Variants in CA10 observed in about 807,000 individuals in gnomAD.
The protein encoded by CA10 is carbonic anhydrase 10 (inactive), also known as carbonic anhydrase-related protein 10.
In CA10, 14 loss-of-function variants were observed where a neutral mutation model predicts 44.2. The observed-to-expected ratio is 0.32, with a 90% CI of 0.21 to 0.50. The LOEUF (loss-of-function observed/expected upper bound fraction) is 0.50. CA10 is among the 20% of genes least tolerant of loss of function. The pLI is 0.99. For missense variants in CA10, 350 were observed against 409.7 expected, an observed-to-expected ratio of 0.85 and a Z score of 1.26; for synonymous variants, 159 against 141.6, an observed-to-expected ratio of 1.12 and a Z score of -0.87.
At chr17:52,091,050 GT>G (rs1190368967) in intron 1 of CA10, among the ~76,000 whole-genome samples, 45 of 151,994 alleles carry the variant, frequency 3.0e-4, no homozygotes, top group Non-Finnish European at 6.3e-4. Flanking sequence ...ATTAAATAAT[GT>G]TTTTTGAAGA....
intron 2 of CA10, among the ~76,000 whole-genome samples, chr17:52,000,171 T>C (rs1401703455): frequency 6.6e-6 from 1 of 152,106 alleles, no homozygotes; most frequent in Non-Finnish European, 1.5e-5. Context: ...TTGGGAATTA[T>C]ATCTTGGACT....
At chr17:51,829,889 G>A (rs1450472142) in intron 3 of CA10, among the ~76,000 whole-genome samples, 1 of 152,014 alleles carries the variant, frequency 6.6e-6, no homozygotes, top group Admixed American at 6.6e-5. Context: ...GAAAGAAAGG[G>A]GTCAATATAG....
At chr17:51,746,245 A>G (rs1214514577) in intron 4 of CA10, among the ~76,000 whole-genome samples, 1 of 152,206 alleles carries the variant, frequency 6.6e-6, no homozygotes, top group African/African-American at 2.4e-5. Flanking sequence ...TTTTGCTCGC[A>G]CTAGCCCTCA....
At chr17:52,155,867 C>A (rs1309770493) in intron 1 of CA10, among the ~76,000 whole-genome samples, 1 of 152,180 alleles carries the variant, frequency 6.6e-6, no homozygotes, top group Non-Finnish European at 1.5e-5. Flanking sequence ...TGGAAATCCC[C>A]CTCCTAATGC....
rs1981602781 is a variant in CA10 at position 51,907,384 on chromosome 17, C to T, written c.279+23606G>A. Reference sequence around the variant, plus strand: ...TCCTTCAGTGGGGCCTTCCCGGCTGCCCCATCTAAAATAGCAACCCTGGCC... The same window carrying T: ...TCCTTCAGTGGGGCCTTCCCGGCTGTCCCATCTAAAATAGCAACCCTGGCC... On this transcript the variant is annotated intron_variant, in intron 3 of 8. Transcript: ENST00000451037. Among the ~76,000 whole-genome samples the T allele has an allele frequency of 3.3e-5, 5 of 152,154 alleles. No individual in the cohort carries two copies. The South Asian group carries it at 1.0e-3, about 32-fold the overall frequency.
intron 2 of CA10, among the ~76,000 whole-genome samples, chr17:52,023,689 C>G (rs897221344): frequency 1.9e-5 from 1 of 52,334 alleles, no homozygotes; most frequent in Admixed American, 3.0e-4. Context: ...AGACAGCTTA[C>G]AGAATGGCAA....
At chr17:52,079,055 G>C (rs1198362418) in intron 1 of CA10, among the ~76,000 whole-genome samples, 3 of 152,202 alleles carry the variant, frequency 2.0e-5, no homozygotes, top group African/African-American at 7.2e-5. Context: ...GGGAGGCCGG[G>C]GCACGCGGAT....
chr17:51,729,194 C>T (rs2143553316), intron 4 of CA10, among the ~76,000 whole-genome samples: 1 of 152,324 alleles, frequency 6.6e-6, no homozygotes, highest in South Asian at 2.1e-4. Context: ...TGCTATTCCT[C>T]AAACACACCA....
intron 3 of CA10, among the ~76,000 whole-genome samples, chr17:51,828,396 A>G (rs1210141544): frequency 6.6e-6 from 1 of 152,112 alleles, no homozygotes; most frequent in Non-Finnish European, 1.5e-5. Flanking sequence ...CATTTGTTAA[A>G]TTGCTTTCAT....
intron 3 of CA10, among the ~76,000 whole-genome samples, chr17:51,905,182 A>T (rs1298990623): frequency 2.6e-5 from 4 of 152,156 alleles, no homozygotes; most frequent in Non-Finnish European, 5.9e-5. Flanking sequence ...TCAGTGCTCC[A>T]TAAATTGCAG....
chr17:51,931,705 C>T (rs556860445), intron 2 of CA10, among the ~76,000 whole-genome samples: 1 of 152,094 alleles, frequency 6.6e-6, no homozygotes, highest in African/African-American at 2.4e-5. Context: ...AACACTGTGT[C>T]ATTAACCTAA....
chr17:52,088,634 C>T (rs1235542394), intron 1 of CA10, among the ~76,000 whole-genome samples: 3 of 152,090 alleles, frequency 2.0e-5, no homozygotes, highest in Non-Finnish European at 4.4e-5. Context: ...CTTGAGATCC[C>T]CCTCTAAAAG....
intron 3 of CA10, among the ~76,000 whole-genome samples, chr17:51,845,349 C>A (rs950090361): frequency 3.9e-5 from 6 of 152,114 alleles, no homozygotes; most frequent in Non-Finnish European, 7.4e-5. Flanking sequence ...GCTGTCAAGT[C>A]GTGAAGATAT....
intron 3 of CA10, among the ~76,000 whole-genome samples, chr17:51,749,723 A>C (rs540570452): frequency 1.3e-5 from 2 of 152,322 alleles, no homozygotes; most frequent in South Asian, 2.1e-4. Flanking sequence ...AGGTCGCCTG[A>C]GTGCCAACCA....
At chr17:51,980,475 T>A (rs1469678175) in intron 2 of CA10, among the ~76,000 whole-genome samples, 1 of 152,178 alleles carries the variant, frequency 6.6e-6, no homozygotes, top group Admixed American at 6.6e-5. Context: ...CTGTAGGTTG[T>A]CTATTTACTG....
intron 2 of CA10, among the ~76,000 whole-genome samples, chr17:52,054,556 T>G (rs2143063059): frequency 2.0e-5 from 3 of 152,218 alleles, no homozygotes; most frequent in Admixed American, 2.0e-4. Context: ...ATACCCTAAT[T>G]GTACACTCCC....
At chr17:51,847,629 C>T (rs185406453) in intron 3 of CA10, among the ~76,000 whole-genome samples, 2 of 152,272 alleles carry the variant, frequency 1.3e-5, no homozygotes, top group African/African-American at 4.8e-5. Flanking sequence ...GCAGCAGGAA[C>T]ATGGTACATA....
At position 51,861,385 on chromosome 17, in the gene CA10, GGAT is replaced by G. The variant is rs1979297338; in HGVS notation, c.279+69602_279+69604del. Among the ~76,000 whole-genome samples the G allele has an allele frequency of 3.3e-5, 5 of 152,086 alleles. No homozygotes were observed. In the South Asian group the frequency reaches 1.0e-3, roughly 32 times the overall value. ...TAAAATGGCAAAAGTGGAAAAATAAGGATGAGAGAGAGAGAGAAAAAAGATGTA... is the reference window on the plus strand; with the variant it reads ...TAAAATGGCAAAAGTGGAAAAATAAGGAGAGAGAGAGAGAAAAAAGATGTA... On this transcript the variant is annotated intron_variant, in intron 3 of 8. Transcript: ENST00000451037.
intron 1 of CA10, among the ~76,000 whole-genome samples, chr17:52,153,721 T>C (rs1170072070): frequency 1.3e-5 from 2 of 152,180 alleles, no homozygotes; most frequent in Non-Finnish European, 2.9e-5. Flanking sequence ...AACAAGTTGA[T>C]ATGGAAAAAG....
Sources: allele counts gnomAD v4.1 joint callset (sites outside exome capture counted in the v4.1 genomes callset), GRCh38; gene constraint gnomAD v4.1.1; transcripts MANE v1.5; gene names NCBI Gene and HGNC (gene_info 2026-07-23, HGNC 2026-07-21).